The following CACNG3 variants were observed in gnomAD, a reference collection of about 807,000 sequenced individuals.
The protein encoded by CACNG3 is voltage-dependent calcium channel gamma-3 subunit.
CACNG3 carries 3 observed loss-of-function variants against 28.5 expected under a neutral mutation model. The observed-to-expected ratio is 0.11, with a 90% CI of 0.05 to 0.27. CACNG3 has a LOEUF of 0.27. CACNG3 is among the 10% of genes least tolerant of loss of function. The pLI is 1.00. For missense variants in CACNG3, 236 were observed against 414.4 expected (o/e 0.57, Z 3.74); for synonymous variants, 174 against 162.2 (o/e 1.07, Z -0.55).
intron 1 of CACNG3, among the ~76,000 whole-genome samples, chr16:24,321,882 T>C (rs1450781137): frequency 6.6e-6 from 1 of 152,180 alleles, no homozygotes; most frequent in East Asian, 1.9e-4. Flanking sequence ...GTAGAATTGA[T>C]AAATTAAACA....
intron 1 of CACNG3, among the ~76,000 whole-genome samples, chr16:24,311,770 C>A (rs989497865): frequency 3.3e-5 from 5 of 152,052 alleles, no homozygotes; most frequent in African/African-American, 4.8e-5. Context: ...GCAGGAGAAT[C>A]ACTTGAACCT....
chr16:24,284,058 T>G (rs911322376), intron 1 of CACNG3, among the ~76,000 whole-genome samples: 1 of 152,236 alleles, frequency 6.6e-6, no homozygotes, highest in Admixed American at 6.5e-5. Context: ...GTAAGTTATG[T>G]TAATGTCTTT....
In CACNG3 at chr16:24,319,558, A is replaced by G. The variant is rs1265815308; in HGVS notation, c.212-27176A>G. On this transcript the variant is annotated intron_variant, in intron 1 of 3. Transcript: ENST00000005284. ...AGACTTGACCTCCTGGCCTCAATCA[A>G]CAACAGGGACAATAGGCATGTGCCA... Among the ~76,000 whole-genome samples the G allele has an allele frequency of 2.0e-5, 3 of 152,192 alleles. No homozygotes were observed. The East Asian group carries it at 5.8e-4, about 29-fold the overall frequency.
rs79473568 is a variant in CACNG3, at chr16:24,299,536, G to C, written c.211+42571G>C. On this transcript the variant is annotated intron_variant, in intron 1 of 3. Transcript: ENST00000005284. Reference sequence around the variant, plus strand: ...TTAGAAACCAAGATCTGAGTGCTGGGTGTGCTCATTGCTATTGGGATAATG... The same window carrying C: ...TTAGAAACCAAGATCTGAGTGCTGGCTGTGCTCATTGCTATTGGGATAATG... Among the ~76,000 whole-genome samples, 933 of 152,278 alleles carry C rather than the reference G, an allele frequency of 6.1e-3. 10 individuals are homozygous for C. The highest frequency in any genetic ancestry group is 0.021 in the African/African-American group (891 of 41,558).
chr16:24,301,225 A>C (rs949828908), intron 1 of CACNG3, among the ~76,000 whole-genome samples: 2 of 151,100 alleles, frequency 1.3e-5, no homozygotes, highest in Non-Finnish European at 2.9e-5. Flanking sequence ...AAAAAAAAGC[A>C]TATGAGCTCA....
chr16:24,338,794 C>T (rs924446079), intron 1 of CACNG3, among the ~76,000 whole-genome samples: 1 of 152,240 alleles, frequency 6.6e-6, no homozygotes, highest in Non-Finnish European at 1.5e-5. Flanking sequence ...CCAGTTCTCA[C>T]ACTTACCTTC....
At chr16:24,333,270 A>G (rs1239115644) in intron 1 of CACNG3, 1 of 152,200 alleles carries the variant, frequency 6.6e-6, no homozygotes, top group Non-Finnish European at 1.5e-5. Context: ...GTTAAAGAAG[A>G]TCAGAAAAAA....
chr16:24,321,644 A>C (rs963701265), intron 1 of CACNG3, among the ~76,000 whole-genome samples: 3 of 152,170 alleles, frequency 2.0e-5, no homozygotes, highest in African/African-American at 4.8e-5. Flanking sequence ...TTTAAGTGAA[A>C]AGGTGAAAGT....
At chr16:24,282,213 C>T (rs933080535) in intron 1 of CACNG3, among the ~76,000 whole-genome samples, 3 of 152,150 alleles carry the variant, frequency 2.0e-5, no homozygotes, top group Admixed American at 2.0e-4. Flanking sequence ...GTGCTTTGCT[C>T]TAGGTCAAAC....
chr16:24,348,354 C>A (rs117770361), intron 2 of CACNG3, among the ~76,000 whole-genome samples: 2 of 152,134 alleles, frequency 1.3e-5, no homozygotes, highest in East Asian at 3.9e-4. Flanking sequence ...AGTGCCATTG[C>A]AGTGATCGTG....
At position 24,346,728 on chromosome 16, in the gene CACNG3, C is replaced by G; in HGVS notation, c.212-6C>G. 1 of 1,612,648 alleles carries G rather than the reference C, an allele frequency of 6.2e-7. No individual in the cohort carries two copies. Among genetic ancestry groups the G allele is most frequent in the Non-Finnish European group, 8.5e-7 (1 of 1,178,622 alleles). On this transcript the variant is annotated splice_region_variant and splice_polypyrimidine_tract_variant and intron_variant, in intron 1 of 3. Transcript: ENST00000005284. ...CCAGGCTCAGAACCCTTATCTGTTT[C>G]CACAGGGGCTTTCCGAGGCGTGTGC...
chr16:24,279,764 G>C (rs1285435726), intron 1 of CACNG3, among the ~76,000 whole-genome samples: 2 of 152,210 alleles, frequency 1.3e-5, no homozygotes, highest in African/African-American at 4.8e-5. Context: ...AAAGGTAAGA[G>C]AGAATGAGCT....
In CACNG3 at chr16:24,277,561, G is replaced by A. The variant is rs182672682; in HGVS notation, c.211+20596G>A. ...AGGCCGAGGTGCGCGGATCACTTGA[G>A]GTCAGGAGTTCGAGACCAGGCTGGC... On this transcript the variant is annotated intron_variant, in intron 1 of 3. Transcript: ENST00000005284. 5.1e-4 allele frequency among the ~76,000 whole-genome samples: 77 copies of A among 152,242 alleles called. No individual in the cohort carries two copies. The East Asian group carries it at 0.014, about 28-fold the overall frequency.
chr16:24,361,604 G>C lies in CACNG3; in HGVS notation c.689G>C (p.Arg230Pro), dbSNP rs756680276. ...TFARLPPYRY[R>P]FRRRSSSRST... ...GCCCGCCTCCCACCCTACAGGTATCGATTCCGGAGGCGGTCAAGTTCTCGC... is the reference window on the plus strand; with the variant it reads ...GCCCGCCTCCCACCCTACAGGTATCCATTCCGGAGGCGGTCAAGTTCTCGC... Residue 230 changes from arginine to proline, a missense_variant, in exon 4 of 4, where the codon CGA becomes CCA. Physicochemically the swap from Arg to Pro is moderately radical, Grantham distance 103. Transcript: ENST00000005284. This position sits in a 1 kb window ranked among gnomAD's most constrained non-coding sequence, Gnocchi z 6.8. 1.2e-6 allele frequency: 2 copies of C among 1,613,416 alleles called. No homozygotes were observed. The highest frequency in any genetic ancestry group is 1.7e-6 in the Non-Finnish European group (2 of 1,179,736).
chr16:24,304,166 G>C (rs1265740941), intron 1 of CACNG3, among the ~76,000 whole-genome samples: 1 of 152,210 alleles, frequency 6.6e-6, no homozygotes, highest in African/African-American at 2.4e-5. Context: ...TGGCGGGCTA[G>C]TGGGGGAGTG....
intron 1 of CACNG3, among the ~76,000 whole-genome samples, chr16:24,309,288 G>C (rs888216027): frequency 6.6e-6 from 1 of 152,200 alleles, no homozygotes; most frequent in African/African-American, 2.4e-5. Context: ...TCCAACAGCT[G>C]TGCTATGAGA....
intron 3 of CACNG3, among the ~76,000 whole-genome samples, chr16:24,356,465 G>GC (rs1416731530): frequency 2.0e-5 from 3 of 152,144 alleles, no homozygotes; most frequent in Non-Finnish European, 4.4e-5. Flanking sequence ...ACTTTGGAAG[G>GC]CCGAGGCAGA....
At chr16:24,285,840 C>CTTTT (rs1160946894) in intron 1 of CACNG3, among the ~76,000 whole-genome samples, 1 of 120,870 alleles carries the variant, frequency 8.3e-6, no homozygotes. Context: ...TTTTTTCTTT[C>CTTTT]TTTTCTTTTT....
At chr16:24,315,210 T>C (rs1268099095) in intron 1 of CACNG3, among the ~76,000 whole-genome samples, 1 of 152,174 alleles carries the variant, frequency 6.6e-6, no homozygotes, top group East Asian at 1.9e-4. Flanking sequence ...CGGGCCATAG[T>C]GTCCTACTGC....
Sources: allele counts gnomAD v4.1 joint callset (sites outside exome capture counted in the v4.1 genomes callset), GRCh38; gene constraint gnomAD v4.1.1; non-coding constraint Gnocchi (gnomAD v3.1); transcripts MANE v1.5; gene names NCBI Gene and HGNC (gene_info 2026-07-23, HGNC 2026-07-21).